The following UBE2K variants were observed in gnomAD, a reference collection of about 807,000 sequenced individuals.
The protein encoded by UBE2K is ubiquitin conjugating enzyme E2 K.
UBE2K carries 6 observed loss-of-function variants against 30.0 expected under a neutral mutation model. That is an observed-to-expected ratio of 0.20 (90% confidence interval 0.11 to 0.39). UBE2K has a LOEUF of 0.39. UBE2K is among the 10% of genes least tolerant of loss of function. The pLI is 1.00. For missense variants in UBE2K, 61 were observed against 241.6 expected, an observed-to-expected ratio of 0.25 and a Z score of 4.96; for synonymous variants, 86 against 83.7, an observed-to-expected ratio of 1.03 and a Z score of -0.15.
At chr4:39,704,951 A>G (rs541579804) in intron 1 of UBE2K, among the ~76,000 whole-genome samples, 3 of 145,592 alleles carry the variant, frequency 2.1e-5, no homozygotes, top group East Asian at 4.0e-4. Context: ...GCTCACCGCA[A>G]CCTCCGCCTC....
At chr4:39,770,929 G>A (rs1027483638) in intron 4 of UBE2K, 1 of 1,567,412 alleles carries the variant, frequency 6.4e-7, no homozygotes, top group Non-Finnish European at 8.6e-7. Flanking sequence ...GATAGAGGAG[G>A]TGGGGGGTGG....
chr4:39,757,554 TTTCAATA>T (rs1711573693), intron 4 of UBE2K, among the ~76,000 whole-genome samples: 1 of 152,156 alleles, frequency 6.6e-6, no homozygotes, highest in Non-Finnish European at 1.5e-5. Flanking sequence ...TTGATCTGTA[TTTCAATA>T]TATTCTATAT....
At chr4:39,772,862 A>AT (rs1212191657) in intron 4 of UBE2K, among the ~76,000 whole-genome samples, 1 of 151,334 alleles carries the variant, frequency 6.6e-6, no homozygotes, top group Non-Finnish European at 1.5e-5. Flanking sequence ...TAATTTTTGC[A>AT]TTTTTTGTAG....
At chr4:39,710,737 A>G (rs1239537938) in intron 1 of UBE2K, among the ~76,000 whole-genome samples, 2 of 152,130 alleles carry the variant, frequency 1.3e-5, no homozygotes, top group African/African-American at 4.8e-5. Flanking sequence ...ATTGGTGGTT[A>G]TGGTAGAAAG....
chr4:39,745,849 A>G (rs764872097), intron 3 of UBE2K, 39 bp downstream of exon 3: 1 of 1,446,814 alleles, frequency 6.9e-7, no homozygotes, highest in Admixed American at 2.1e-5. Context: ...GTTACAAAAT[A>G]TTTTATATTT....
chr4:39,713,286 A>ATTTTTTTTTTTTTTTTTTTTTTT (rs56104487), intron 1 of UBE2K, among the ~76,000 whole-genome samples: 3 of 83,582 alleles, frequency 3.6e-5, no homozygotes, highest in Non-Finnish European at 6.3e-5. Context: ...TCTGTAGGAA[A>ATTTTTTTTTTTTTTTTTTTTTTT]TTTTTTTTTT....
intron 1 of UBE2K, among the ~76,000 whole-genome samples, chr4:39,712,699 C>T (rs979509117): frequency 7.9e-5 from 12 of 151,950 alleles, no homozygotes; most frequent in Admixed American, 2.6e-4. Flanking sequence ...GGATTACAGG[C>T]GTGAGCCACC....
chr4:39,765,611 G>C (rs1712267885), intron 4 of UBE2K, among the ~76,000 whole-genome samples: 1 of 152,020 alleles, frequency 6.6e-6, no homozygotes, highest in Non-Finnish European at 1.5e-5. Context: ...CCTGAGGTCA[G>C]GAGTTCCAGA....
intron 3 of UBE2K, among the ~76,000 whole-genome samples, chr4:39,748,230 C>T (rs1364945464): frequency 6.6e-6 from 1 of 152,022 alleles, no homozygotes; most frequent in African/African-American, 2.4e-5. Context: ...CACCTCATCC[C>T]CACTTTTTTT....
intron 2 of UBE2K, among the ~76,000 whole-genome samples, chr4:39,742,814 G>A (rs1176735769): frequency 6.6e-6 from 1 of 152,204 alleles, no homozygotes; most frequent in Non-Finnish European, 1.5e-5. Context: ...GGGAGGCTGA[G>A]GCAGGCGGAT....
At chr4:39,770,289 A>G in intron 4 of UBE2K, 2 of 1,611,420 alleles carry the variant, frequency 1.2e-6, no homozygotes, top group South Asian at 1.1e-5. Context: ...CTTGCCGCAG[A>G]TGCCGCACGA....
intron 1 of UBE2K, among the ~76,000 whole-genome samples, chr4:39,727,368 G>A (rs908706941): frequency 2.6e-5 from 4 of 151,970 alleles, no homozygotes; most frequent in African/African-American, 9.7e-5. Context: ...GTTTCTTATG[G>A]GGGGAGCGCT....
intron 4 of UBE2K, among the ~76,000 whole-genome samples, chr4:39,772,020 G>C (rs1712911212): frequency 6.6e-6 from 1 of 152,004 alleles, no homozygotes; most frequent in African/African-American, 2.4e-5. Flanking sequence ...TGTATTTTTG[G>C]CAGACAGTGT....
intron 1 of UBE2K, among the ~76,000 whole-genome samples, chr4:39,723,778 TTAA>T (rs1161723606): frequency 2.0e-5 from 3 of 152,150 alleles, no homozygotes; most frequent in African/African-American, 7.2e-5. Context: ...TTTCTCTGTG[TTAA>T]TAATGGGTAC....
At chr4:39,750,721 T>G (rs1444225410) in intron 3 of UBE2K, among the ~76,000 whole-genome samples, 1 of 21,290 alleles carries the variant, frequency 4.7e-5, no homozygotes, top group Non-Finnish European at 8.5e-5. Flanking sequence ...GATTAAATTC[T>G]TTTTTTTTTT....
At chr4:39,766,950 C>T (rs1712380894) in intron 4 of UBE2K, among the ~76,000 whole-genome samples, 1 of 152,002 alleles carries the variant, frequency 6.6e-6, no homozygotes, top group Admixed American at 6.6e-5. Flanking sequence ...GGTGTTTTAC[C>T]ATGTTGGCCA....
intron 1 of UBE2K, among the ~76,000 whole-genome samples, chr4:39,718,848 C>G (rs573707741): frequency 1.3e-5 from 2 of 152,256 alleles, no homozygotes; most frequent in Non-Finnish European, 2.9e-5. Flanking sequence ...GGCCTGCAAA[C>G]GCCGTGCGCA....
chr4:39,771,168 C>G, intron 4 of UBE2K: 2 of 1,612,970 alleles, frequency 1.2e-6, no homozygotes, highest in Non-Finnish European at 1.7e-6. Flanking sequence ...CCAGGGTGCC[C>G]GTGTAGCAGG....
rs144321664 is a variant in UBE2K, at chr4:39,758,280, C to G, written c.299+2541C>G. Reference sequence around the variant, plus strand: ...ACAGCAGCTTTACTACCACACTTTTCCAAACGGATTACCTCTAGCCTGCAT... The same window carrying G: ...ACAGCAGCTTTACTACCACACTTTTGCAAACGGATTACCTCTAGCCTGCAT... On this transcript the variant is annotated intron_variant, in intron 4 of 6. Coordinates refer to ENST00000261427, the MANE Select transcript of UBE2K (RefSeq NM_005339.5). Among the ~76,000 whole-genome samples the G allele has an allele frequency of 6.8e-3, 1,036 of 152,316 alleles. 5 individuals are homozygous for G. The highest frequency in any genetic ancestry group is 0.011 in the Non-Finnish European group (754 of 68,036).
Sources: gnomAD v4.1 joint callset for allele counts (sites outside exome capture counted in the v4.1 genomes callset) on GRCh38, gnomAD v4.1.1 for gene constraint, MANE v1.5 for transcripts, NCBI Gene and HGNC (gene_info 2026-07-23, HGNC 2026-07-21) for gene names.